The following KIAA1549 variants were observed in gnomAD, a reference collection of about 807,000 sequenced individuals.
KIAA1549 encodes the protein UPF0606 protein KIAA1549.
A neutral mutation model predicts 156.4 loss-of-function variants in KIAA1549; 70 were observed. The observed-to-expected ratio is 0.45, with a 90% CI of 0.37 to 0.55. The LOEUF (loss-of-function observed/expected upper bound fraction) is 0.55, where lower values mean the gene tolerates loss of function less well. KIAA1549 is among the 20% of genes least tolerant of loss of function. The probability of loss-of-function intolerance (pLI) is 0.00; values close to 1 mark genes in which losing one functional copy is unlikely to be tolerated. For synonymous variants in KIAA1549, 1,103 were observed against 1,066.4 expected (o/e 1.03, Z -0.67); for missense variants, 2,428 against 2,540.9 (o/e 0.96, Z 0.96).
chr7:138,935,684 T>C (rs879844012), intron 1 of KIAA1549, among the ~76,000 whole-genome samples: 6 of 152,128 alleles, frequency 3.9e-5, no homozygotes, highest in Non-Finnish European at 7.3e-5. Context: ...GCAATGAACA[T>C]CCACACCGAC....
Position 138,911,990 on chromosome 7 carries a change from G to A in KIAA1549, c.2967+382C>T, listed in dbSNP as rs186124288. On this transcript the variant is annotated intron_variant, in intron 3 of 19. Coordinates refer to ENST00000422774, the MANE Select transcript of KIAA1549 (RefSeq NM_001164665.2). ...GATCTCCATCTCTATCCTACCAAAT[G>A]TCCAGAAAGATGCACCTGTACTCAC... 9.7e-4 allele frequency among the ~76,000 whole-genome samples: 147 copies of A among 152,282 alleles called. 1 individual carries two copies. Among genetic ancestry groups the A allele is most frequent in the African/African-American group, 3.3e-3 (139 of 41,556 alleles).
intron 9 of KIAA1549, among the ~76,000 whole-genome samples, chr7:138,896,821 G>C (rs183407927): frequency 9.1e-4 from 139 of 152,068 alleles, no homozygotes; most frequent in Non-Finnish European, 1.5e-3. Flanking sequence ...GGCTGGTCTT[G>C]AACTCCTGAG....
In KIAA1549 at chr7:138,869,728, C is replaced by T; in HGVS notation, c.4585G>A (p.Glu1529Lys). Residue 1529 changes from glutamate to lysine, a missense_variant, in exon 14 of 20, where the codon GAG (glutamate) becomes AAG (lysine). By Grantham distance (56) the Glu-to-Lys change is moderately conservative. Around this residue, in one of 5 missense-constraint regions of KIAA1549, gnomAD observed 404 missense variants for 417.0 expected, o/e 0.97. Transcript: ENST00000422774. Reference sequence around the variant, plus strand: ...AGGCGGATCTTGTTGCGATGGTGCTCGATCTCAGACTTGTGCCGCAGCGCG... The same window carrying T: ...AGGCGGATCTTGTTGCGATGGTGCTTGATCTCAGACTTGTGCCGCAGCGCG... The part of the protein sequence containing the change: ...QTALRHKSEI[E>K]HHRNKIRLRA... The T allele has an allele frequency of 1.9e-6, 3 of 1,611,562 alleles. No individual in the cohort carries two copies. The highest frequency in any genetic ancestry group is 1.7e-6 in the Non-Finnish European group (2 of 1,179,772).
chr7:138,971,044 G>A (rs1814206872), intron 1 of KIAA1549, among the ~76,000 whole-genome samples: 1 of 152,166 alleles, frequency 6.6e-6, no homozygotes, highest in African/African-American at 2.4e-5. Context: ...CCTCCCAGCT[G>A]CCCTGCCCTC....
At position 138,895,342 on chromosome 7, in the gene KIAA1549, C is replaced by T. The variant is rs186724289; in HGVS notation, c.3848-816G>A. Among the ~76,000 whole-genome samples the T allele has an allele frequency of 1.1e-3, 175 of 152,292 alleles. 1 individual carries two copies. The highest frequency in any genetic ancestry group is 3.9e-3 in the African/African-American group (163 of 41,560). ...AAAGAGATGCTGATGTTCGTAGCAGCGCTATTCACGACAGCCTAAAAGATG... is the reference window on the plus strand; with the variant it reads ...AAAGAGATGCTGATGTTCGTAGCAGTGCTATTCACGACAGCCTAAAAGATG... On this transcript the variant is annotated intron_variant, in intron 9 of 19. Coordinates refer to ENST00000422774, the MANE Select transcript of KIAA1549 (RefSeq NM_001164665.2).
chr7:138,874,081 C>T (rs910234758), intron 12 of KIAA1549, among the ~76,000 whole-genome samples: 9 of 147,124 alleles, frequency 6.1e-5, no homozygotes, highest in African/African-American at 2.2e-4. Flanking sequence ...ACTTCTATAT[C>T]ATATATTAAT....
intron 1 of KIAA1549, among the ~76,000 whole-genome samples, chr7:138,923,796 A>G (rs1030554526): frequency 1.3e-5 from 2 of 152,190 alleles, no homozygotes; most frequent in African/African-American, 2.4e-5. Flanking sequence ...ATCAAGAGTT[A>G]AGACAAAATT....
intron 18 of KIAA1549, among the ~76,000 whole-genome samples, 191 bp from the exon 19 acceptor site, chr7:138,840,469 C>A (rs1265443339): frequency 6.6e-6 from 1 of 151,856 alleles, no homozygotes; most frequent in East Asian, 1.9e-4. Flanking sequence ...TCCTGAGGGT[C>A]CCATAGGTAA....
intron 16 of KIAA1549, among the ~76,000 whole-genome samples, chr7:138,853,774 T>A (rs1810301026): frequency 1.3e-5 from 2 of 152,178 alleles, no homozygotes. Context: ...TCCATTCCTT[T>A]TCCAAATAAT....
At chr7:138,843,733 T>C (rs1809988161) in intron 18 of KIAA1549, among the ~76,000 whole-genome samples, 1 of 152,172 alleles carries the variant, frequency 6.6e-6, no homozygotes, top group Non-Finnish European at 1.5e-5. Context: ...GGAATCAAGA[T>C]TCACTGCAAA....
chr7:138,852,245 G>A lies in KIAA1549; in HGVS notation c.5272C>T (p.Pro1758Ser), dbSNP rs542804489. Residue 1758 changes from proline to serine, a missense_variant, in exon 17 of 20, where the codon CCC becomes TCC. Physicochemically the swap from Pro to Ser is moderately conservative, Grantham distance 74 (BLOSUM62 -1). Around this residue, in one of 5 missense-constraint regions of KIAA1549, gnomAD observed 363 missense variants for 354.0 expected, o/e 1.03. Transcript: ENST00000422774. ...TACCTTGGCAATGGACCCGTCGGGG[G>A]AGTCATTCCATAGTCTTCGTATCTC... is the stretch of plus-strand genomic sequence containing the variant. The part of the protein sequence containing the change: ...CSRYEDYGMT[P>S]PTGPLPRPGF... 2 of 1,610,364 alleles carry A rather than the reference G, an allele frequency of 1.2e-6. No homozygotes were observed. Among genetic ancestry groups the A allele is most frequent in the African/African-American group, 1.3e-5 (1 of 74,926 alleles).
At chr7:138,855,994 G>A (rs866188025) in intron 16 of KIAA1549, among the ~76,000 whole-genome samples, 6 of 151,632 alleles carry the variant, frequency 4.0e-5, no homozygotes, top group Middle Eastern at 3.4e-3. Flanking sequence ...CATTAAATTA[G>A]AAGAAGCATA....
At chr7:138,938,154 G>C (rs1365372299) in intron 1 of KIAA1549, among the ~76,000 whole-genome samples, 2 of 152,136 alleles carry the variant, frequency 1.3e-5, no homozygotes, top group African/African-American at 4.8e-5. Flanking sequence ...TCCTATATGA[G>C]GACACACAGA....
chr7:138,844,390 T>C lies in KIAA1549; in HGVS notation c.5379A>G (p.Pro1793=). ...PQQPQASAEA[P]FAARGIYSEE... is the part of the protein sequence containing the mutation. ...CCGAGTAGATCCCTCTGGCAGCAAA[T>C]GGGGCTTCGGCGGAGGCCTGTGGCT... is the stretch of plus-strand genomic sequence containing the variant. Residue 1793 remains proline, a synonymous_variant, in exon 18 of 20, where the codon CCA becomes CCG. Transcript: ENST00000422774. 6.2e-7 allele frequency: 1 copy of C among 1,610,924 alleles called. No individual in the cohort carries two copies. Among genetic ancestry groups the C allele is most frequent in the Non-Finnish European group, 8.5e-7 (1 of 1,178,274 alleles).
rs1280170457 is a variant in KIAA1549, at chr7:138,832,190, CCTT to C, written c.*5713_*5715del. 6.9e-3 allele frequency: 1,179 copies of C among 169,960 alleles called. 63 individuals are homozygous for C. The highest frequency in any genetic ancestry group is 8.1e-3 in the Non-Finnish European group (734 of 90,440). The allele number at this position is 169,960 out of a possible 1,614,324, so 10.5% of individuals were successfully genotyped here. On this transcript the variant is annotated 3_prime_UTR_variant, in exon 20 of 20. Coordinates refer to ENST00000422774, the MANE Select transcript of KIAA1549 (RefSeq NM_001164665.2). ...TTCACCTCTGTCCCTTTTACCTATT[CCTT>C]TTTTTTTTTTTTTTTTTTCCAGAGA...
intron 1 of KIAA1549, among the ~76,000 whole-genome samples, chr7:138,976,341 G>A (rs968423643): frequency 8.5e-5 from 13 of 152,084 alleles, no homozygotes; most frequent in South Asian, 2.1e-4. Flanking sequence ...GATTACAGGC[G>A]TGAGTCACCG....
intron 1 of KIAA1549, among the ~76,000 whole-genome samples, chr7:138,936,928 T>C (rs996276051): frequency 2.0e-5 from 3 of 152,066 alleles, no homozygotes; most frequent in African/African-American, 7.2e-5. Context: ...CTCCAATCCA[T>C]CTGGAGTTTT....
chr7:138,843,049 T>G (rs1041169717), intron 18 of KIAA1549, among the ~76,000 whole-genome samples: 3 of 152,196 alleles, frequency 2.0e-5, no homozygotes, highest in Non-Finnish European at 4.4e-5. Context: ...TTCCAAAAAT[T>G]TAATAATTTA....
Position 138,918,734 on chromosome 7 carries a change from T to G in KIAA1549, c.892A>C (p.Thr298Pro). 6.2e-7 allele frequency: 1 copy of G among 1,613,844 alleles called. No individual in the cohort carries two copies. The highest frequency in any genetic ancestry group is 8.5e-7 in the Non-Finnish European group (1 of 1,179,862). ...LMPQPLGDGITIPLPSLGEVS... is the reference protein window; with the variant it reads ...LMPQPLGDGIPIPLPSLGEVS... ...TCCCCCAAGGAGGGCAACGGTATAG[T>G]AATGCCGTCGCCTAACGGCTGTGGC... The change falls in exon 2 of 20, where the codon ACT becomes CCT. Residue 298 changes from threonine (T) to proline (P), a missense_variant. By Grantham distance (38) the Thr-to-Pro change is conservative. Transcript: ENST00000422774. The surrounding 1 kb of genome is among the most constrained non-coding windows in gnomAD (Gnocchi z 4.2).
Sources: gnomAD v4.1 joint callset for allele counts (sites outside exome capture counted in the v4.1 genomes callset) on GRCh38, gnomAD v4.1.1 for gene constraint, gnomAD v4.1.1 regional missense constraint, Gnocchi (gnomAD v3.1) non-coding constraint, MANE v1.5 for transcripts, NCBI Gene and HGNC (gene_info 2026-07-23, HGNC 2026-07-21) for gene names.